Variants in UBE2U observed in about 807,000 individuals in gnomAD.
UBE2U encodes the protein ubiquitin conjugating enzyme E2 U.
In UBE2U, 39 loss-of-function variants were observed where a neutral mutation model predicts 41.2. The ratio of observed to expected loss-of-function variants is 0.95; its 90% CI spans 0.73 to 1.24. UBE2U has a LOEUF of 1.24. Among genes scored for constraint, UBE2U ranks in the 50% most tolerant of loss-of-function variants. The pLI is 0.00. For missense variants in UBE2U, 336 were observed against 363.1 expected, an observed-to-expected ratio of 0.93 and a Z score of 0.61; for synonymous variants, 107 against 117.8, an observed-to-expected ratio of 0.91 and a Z score of 0.60.
chr1:64,260,466 C>CAG, intron 8 of UBE2U, 137 bp from the exon 9 acceptor site: 1 of 608,960 alleles, frequency 1.6e-6, no homozygotes, highest in Non-Finnish European at 2.8e-6. Flanking sequence ...TTAGTCAAGA[C>CAG]TCAGAATGGT....
chr1:64,251,555 C>G (rs1293256938), intron 8 of UBE2U, among the ~76,000 whole-genome samples: 1 of 152,064 alleles, frequency 6.6e-6, no homozygotes, highest in Non-Finnish European at 1.5e-5. Context: ...ATCAGTTCAA[C>G]CCATGGAGAG....
intron 6 of UBE2U, among the ~76,000 whole-genome samples, chr1:64,225,723 G>A (rs999849897): frequency 6.6e-6 from 1 of 152,236 alleles, no homozygotes; most frequent in Non-Finnish European, 1.5e-5. Flanking sequence ...CTGATTCGAT[G>A]TGAGTTGTGA....
At position 64,232,818 on chromosome 1, in the gene UBE2U, CA is replaced by C. The variant is rs1021086869; in HGVS notation, c.595+178del. 2.4e-4 allele frequency among the ~76,000 whole-genome samples: 36 copies of C among 149,924 alleles called. 1 individual carries two copies. Among genetic ancestry groups the C allele is most frequent in the African/African-American group, 4.2e-4 (17 of 40,874 alleles). The stretch of plus-strand genomic sequence containing the variant: ...CAACTATTACTTTAGTTCTTTTTTT[CA>C]AAAAAAAATAATTTTAACTTTTTGT... On this transcript the variant is annotated intron_variant, in intron 7 of 9. Transcript: ENST00000371077.
intron 8 of UBE2U, among the ~76,000 whole-genome samples, chr1:64,258,792 G>A (rs1645137568): frequency 6.6e-6 from 1 of 152,208 alleles, no homozygotes; most frequent in Admixed American, 6.5e-5. Flanking sequence ...ATGTGTGCCT[G>A]TGTCTTTATA....
intron 7 of UBE2U, among the ~76,000 whole-genome samples, chr1:64,239,768 T>C (rs1644803233): frequency 6.6e-6 from 1 of 152,134 alleles, no homozygotes; most frequent in Non-Finnish European, 1.5e-5. Flanking sequence ...CAGTCTATCA[T>C]TGGTGGACAT....
At chr1:64,244,148 G>A in intron 8 of UBE2U, 1 of 1,609,540 alleles carries the variant, frequency 6.2e-7, no homozygotes. Context: ...TCTTTCTTTG[G>A]AAGCAGCATA....
intron 1 of UBE2U, 133 bp from the exon 2 acceptor site, chr1:64,205,506 G>A: frequency 2.9e-6 from 2 of 696,248 alleles, no homozygotes; most frequent in Non-Finnish European, 4.8e-6. Context: ...CCCCAGAGCA[G>A]CAAATAAATA....
intron 8 of UBE2U, among the ~76,000 whole-genome samples, chr1:64,257,404 A>T (rs1214754401): frequency 3.3e-5 from 5 of 152,230 alleles, no homozygotes; most frequent in African/African-American, 4.8e-5. Flanking sequence ...AATGTGGTAC[A>T]TACACACCAT....
At chr1:64,246,197 A>G (rs1644917948) in intron 8 of UBE2U, among the ~76,000 whole-genome samples, 1 of 152,136 alleles carries the variant, frequency 6.6e-6, no homozygotes, top group Admixed American at 6.5e-5. Context: ...AAACTTTCTT[A>G]TATCTGTAAA....
At position 64,205,731 on chromosome 1, in the gene UBE2U, T is replaced by C. The variant is rs1326100109; in HGVS notation, c.148+11T>C. The C allele has an allele frequency of 6.2e-7, 1 of 1,605,454 alleles. No homozygotes were observed. On this transcript the variant is annotated intron_variant, in intron 2 of 9. Transcript: ENST00000371077. ...ATTCAGTTTGGCAGGGTTTGTATTT[T>C]CAAAACCAATCTATTTTTTAAAAAA... is the stretch of plus-strand genomic sequence containing the variant.
intron 3 of UBE2U, 114 bp from the exon 4 acceptor site, chr1:64,210,628 A>T: frequency 1.5e-6 from 1 of 658,484 alleles, no homozygotes; most frequent in South Asian, 3.9e-5. Flanking sequence ...GAGAAGAACT[A>T]GGAAAAAGGA....
chr1:64,258,950 C>G (rs556478493), intron 8 of UBE2U, among the ~76,000 whole-genome samples: 1 of 152,138 alleles, frequency 6.6e-6, no homozygotes, highest in Non-Finnish European at 1.5e-5. Flanking sequence ...AGTGTAAAAG[C>G]GTTTCTATTT....
chr1:64,239,157 AAAGAAG>A (rs149062313), intron 7 of UBE2U, among the ~76,000 whole-genome samples: 12 of 37,060 alleles, frequency 3.2e-4, no homozygotes, highest in South Asian at 1.4e-3. Flanking sequence ...GAAGAAGAAG[AAAGAAG>A]AAGAAGAAGA....
chr1:64,251,046 T>C (rs1645002802), intron 8 of UBE2U, among the ~76,000 whole-genome samples: 1 of 151,834 alleles, frequency 6.6e-6, no homozygotes, highest in Non-Finnish European at 1.5e-5. Flanking sequence ...ACATGTACCC[T>C]AAAACTTAAA....
intron 8 of UBE2U, among the ~76,000 whole-genome samples, chr1:64,253,826 C>T (rs1356279289): frequency 1.3e-5 from 2 of 152,108 alleles, no homozygotes; most frequent in Non-Finnish European, 2.9e-5. Context: ...AGTACACAGA[C>T]CAGTGACACT....
chr1:64,257,681 G>A (rs1039075168), intron 8 of UBE2U, among the ~76,000 whole-genome samples: 1 of 152,032 alleles, frequency 6.6e-6, no homozygotes, highest in East Asian at 1.9e-4. Context: ...TTAGTACATA[G>A]GTGATGGGAT....
chr1:64,253,746 A>C (rs1158959046), intron 8 of UBE2U, among the ~76,000 whole-genome samples: 1 of 152,208 alleles, frequency 6.6e-6, no homozygotes, highest in Non-Finnish European at 1.5e-5. Context: ...CCTGCCTTGC[A>C]AGAACTCCTG....
At position 64,249,926 on chromosome 1, in the gene UBE2U, A is replaced by G. The variant is rs146537032; in HGVS notation, c.677+8193A>G. ...AGACCAAGAAGTTCAATGAATCCCAAGAAACAGAAATATAAAGAAGCCATA... is the reference window on the plus strand; with the variant it reads ...AGACCAAGAAGTTCAATGAATCCCAGGAAACAGAAATATAAAGAAGCCATA... On this transcript the variant is annotated intron_variant, in intron 8 of 9. Transcript: ENST00000371077. 2.8e-3 allele frequency among the ~76,000 whole-genome samples: 426 copies of G among 152,242 alleles called. 4 individuals carry two copies. Among genetic ancestry groups the G allele is most frequent in the African/African-American group, 9.5e-3 (396 of 41,574 alleles).
intron 6 of UBE2U, among the ~76,000 whole-genome samples, chr1:64,232,235 A>C (rs1469235337): frequency 6.6e-6 from 1 of 152,258 alleles, no homozygotes; most frequent in African/African-American, 2.4e-5. Context: ...TGACAGGTAT[A>C]ACGCTTTGCT....
Sources: gnomAD v4.1 joint callset for allele counts (sites outside exome capture counted in the v4.1 genomes callset) on GRCh38, gnomAD v4.1.1 for gene constraint, MANE v1.5 for transcripts, NCBI Gene and HGNC (gene_info 2026-07-23, HGNC 2026-07-21) for gene names.